Variants in EYS observed in about 807,000 individuals in gnomAD.
EYS encodes the protein protein eyes shut homolog.
A neutral mutation model predicts 282.1 loss-of-function variants in EYS; 250 were observed. The observed-to-expected ratio is 0.89, with a 90% CI of 0.80 to 0.98. The LOEUF is 0.98. EYS is among the 50% of genes least tolerant of loss of function. EYS has a pLI of 0.00. For missense variants in EYS, 4,016 were observed against 3,709.0 expected (o/e 1.08, Z -2.15); for synonymous variants, 1,355 against 1,282.9 (o/e 1.06, Z -1.20).
chr6:64,310,170 T>C (rs1302625478), intron 29 of EYS, among the ~76,000 whole-genome samples: 1 of 151,750 alleles, frequency 6.6e-6, no homozygotes, highest in Admixed American at 6.6e-5. Context: ...TGGATGGCAA[T>C]GTAGCAATTC....
At chr6:65,511,984 CAAAAAAAAAAAAAA>C (rs11368301) in intron 2 of EYS, among the ~76,000 whole-genome samples, 1 of 94,830 alleles carries the variant, frequency 1.1e-5, no homozygotes, top group Non-Finnish European at 1.9e-5. Context: ...AACTCTGTCT[CAAAAAAAAAAAAAA>C]AAAAAAAAAA....
At chr6:65,705,549 T>G (rs1164861087) in intron 1 of EYS, among the ~76,000 whole-genome samples, 6 of 152,302 alleles carry the variant, frequency 3.9e-5, no homozygotes, top group Admixed American at 3.3e-4. Flanking sequence ...GTATTAGGTT[T>G]TAGTAATTCC....
Position 65,690,548 on chromosome 6 carries a change from G to GCGCTGTT in EYS, c.-448+16580_-448+16586dup, listed in dbSNP as rs143998572. ...CTCTCTGCAGGCGGAAGCACATCAC[G>GCGCTGTT]CGCTGTTGGCTCATTCTGGCAGTCC... On this transcript the variant is annotated intron_variant, in intron 1 of 42. Transcript: ENST00000503581. 9.2e-3 allele frequency among the ~76,000 whole-genome samples: 1,383 copies of GCGCTGTT among 150,160 alleles called. 74 individuals are homozygous for GCGCTGTT. The highest frequency in any genetic ancestry group is 0.015 in the Non-Finnish European group (1,007 of 67,654).
At chr6:64,995,487 A>G (rs1241158334) in intron 14 of EYS, among the ~76,000 whole-genome samples, 1 of 152,102 alleles carries the variant, frequency 6.6e-6, no homozygotes, top group East Asian at 1.9e-4. Context: ...ACAATATCTG[A>G]AAGCTATGAA....
chr6:65,258,162 T>C (rs1053444044), intron 12 of EYS, among the ~76,000 whole-genome samples: 11 of 152,000 alleles, frequency 7.2e-5, no homozygotes, highest in African/African-American at 1.7e-4. Flanking sequence ...AAGTTTTAAA[T>C]AACTTTTAGG....
intron 41 of EYS, among the ~76,000 whole-genome samples, chr6:63,753,537 G>A (rs1769398724): frequency 6.6e-6 from 1 of 152,068 alleles, no homozygotes; most frequent in Non-Finnish European, 1.5e-5. Context: ...ATAGTGGCAG[G>A]AGAGAGAAGC....
intron 22 of EYS, among the ~76,000 whole-genome samples, chr6:64,671,028 G>A (rs750730326): frequency 1.3e-5 from 2 of 151,824 alleles, no homozygotes; most frequent in African/African-American, 4.8e-5. Context: ...TCCTCCCACA[G>A]GAAGAAAGTA....
chr6:65,532,166 A>G (rs1244370236), intron 2 of EYS, among the ~76,000 whole-genome samples: 2 of 152,112 alleles, frequency 1.3e-5, no homozygotes, highest in Non-Finnish European at 2.9e-5. Flanking sequence ...ATTGAACTCA[A>G]CTACCTGCTA....
At chr6:64,528,981 C>A (rs1778011519) in intron 26 of EYS, among the ~76,000 whole-genome samples, 1 of 151,994 alleles carries the variant, frequency 6.6e-6, no homozygotes, top group Non-Finnish European at 1.5e-5. Flanking sequence ...AATATGTTTT[C>A]TCTTTCCTAG....
chr6:65,686,278 C>T (rs138242289), intron 1 of EYS, among the ~76,000 whole-genome samples: 365 of 152,092 alleles, frequency 2.4e-3, no homozygotes, highest in African/African-American at 8.4e-3. Context: ...TGCTAAGAGC[C>T]CTTAATTGAT....
intron 14 of EYS, among the ~76,000 whole-genome samples, chr6:64,985,232 A>G (rs1770816388): frequency 6.6e-6 from 1 of 151,524 alleles, no homozygotes; most frequent in African/African-American, 2.4e-5. Context: ...ACCTATACAA[A>G]TGTTATGACT....
At chr6:63,965,208 T>C (rs982895726) in intron 35 of EYS, among the ~76,000 whole-genome samples, 20 of 152,198 alleles carry the variant, frequency 1.3e-4, no homozygotes, top group Non-Finnish European at 2.8e-4. Context: ...TCTTACTTTG[T>C]GTAAGATCGA....
At chr6:64,517,314 C>T (rs1317117764) in intron 26 of EYS, among the ~76,000 whole-genome samples, 3 of 151,740 alleles carry the variant, frequency 2.0e-5, no homozygotes, top group Non-Finnish European at 4.4e-5. Context: ...GGATGTCTAA[C>T]TGTACACTGT....
chr6:65,557,176 T>C (rs1486334080), intron 2 of EYS, among the ~76,000 whole-genome samples: 1 of 152,134 alleles, frequency 6.6e-6, no homozygotes, highest in Non-Finnish European at 1.5e-5. Context: ...CAGTAAAGCC[T>C]CTGCTTGAGA....
At chr6:65,230,016 G>T (rs764575248) in intron 12 of EYS, among the ~76,000 whole-genome samples, 13 of 151,842 alleles carry the variant, frequency 8.6e-5, no homozygotes, top group Non-Finnish European at 1.5e-4. Context: ...GAAATGAAAA[G>T]AAAACAATGG....
intron 1 of EYS, among the ~76,000 whole-genome samples, chr6:65,692,211 A>G (rs1419682552): frequency 6.7e-6 from 1 of 150,360 alleles, no homozygotes; most frequent in Non-Finnish European, 1.5e-5. Flanking sequence ...TAAGAACTAA[A>G]TAATGTTAAC....
chr6:65,396,134 A>G (rs1192115031), intron 7 of EYS, among the ~76,000 whole-genome samples: 1 of 152,124 alleles, frequency 6.6e-6, no homozygotes, highest in Non-Finnish European at 1.5e-5. Flanking sequence ...TGCCTTCATT[A>G]TTTCAATATC....
chr6:63,955,110 C>T (rs1331132548), intron 35 of EYS, among the ~76,000 whole-genome samples: 2 of 152,110 alleles, frequency 1.3e-5, no homozygotes, highest in African/African-American at 4.8e-5. Context: ...TGAGTAGAGG[C>T]CTTTCCCACA....
chr6:64,218,565 C>G (rs754614732), intron 31 of EYS, among the ~76,000 whole-genome samples: 2 of 152,216 alleles, frequency 1.3e-5, no homozygotes, highest in Non-Finnish European at 2.9e-5. Context: ...GTCCCCCTCA[C>G]TTAAAAAGAC....
Sources: gnomAD v4.1 joint callset for allele counts (sites outside exome capture counted in the v4.1 genomes callset) on GRCh38, gnomAD v4.1.1 for gene constraint, MANE v1.5 for transcripts, NCBI Gene and HGNC (gene_info 2026-07-23, HGNC 2026-07-21) for gene names.